HIVEP3: variants seen among roughly 807,000 people sequenced by gnomAD.
The protein encoded by HIVEP3 is transcription factor HIVEP3.
In HIVEP3, 49 loss-of-function variants were observed where a neutral mutation model predicts 152.8. The observed-to-expected ratio is 0.32, with a 90% CI of 0.26 to 0.41. The LOEUF (loss-of-function observed/expected upper bound fraction) is 0.41. HIVEP3 is among the 10% of genes least tolerant of loss of function. The pLI is 1.00. For missense variants in HIVEP3, 2,790 were observed against 3,103.3 expected, an observed-to-expected ratio of 0.90 and a Z score of 2.40; for synonymous variants, 1,269 against 1,289.0, an observed-to-expected ratio of 0.98 and a Z score of 0.33.
chr1:41,774,113 C>A (rs1648542505), intron 1 of HIVEP3, among the ~76,000 whole-genome samples: 1 of 152,184 alleles, frequency 6.6e-6, no homozygotes, highest in African/African-American at 2.4e-5. Flanking sequence ...GGGTCTGAGG[C>A]AAAGCTGTTT....
chr1:41,884,054 C>T (rs1474234891), intron 1 of HIVEP3, among the ~76,000 whole-genome samples: 1 of 152,222 alleles, frequency 6.6e-6, no homozygotes, highest in African/African-American at 2.4e-5. Context: ...CAACCTCTGT[C>T]TCCTGGGTTC....
chr1:41,888,677 T>G (rs1028710709), intron 1 of HIVEP3, among the ~76,000 whole-genome samples: 6 of 150,206 alleles, frequency 4.0e-5, no homozygotes, highest in Admixed American at 1.3e-4. Flanking sequence ...ACATACCTCA[T>G]GTACCCCCCA....
In HIVEP3 at chr1:41,626,219, A is replaced by G. The variant is rs930550004; in HGVS notation, c.-522+2530T>C. 3.3e-5 allele frequency among the ~76,000 whole-genome samples: 5 copies of G among 152,070 alleles called. No homozygotes were observed. In the East Asian group the frequency reaches 7.7e-4, roughly 23 times the overall value. On this transcript the variant is annotated intron_variant, in intron 3 of 8. Transcript: ENST00000372583. ...CACCGGGGCGTTTGCAGCACTGCAC[A>G]CCTCTGTCTTGTTCGGATGCCATAT... is the stretch of plus-strand genomic sequence containing the variant.
At chr1:41,676,775 G>A (rs1324606731) in intron 2 of HIVEP3, among the ~76,000 whole-genome samples, 2 of 152,172 alleles carry the variant, frequency 1.3e-5, no homozygotes, top group Non-Finnish European at 2.9e-5. Flanking sequence ...GCAGGGAGGG[G>A]CAACCTGTTT....
chr1:41,677,337 A>G (rs1024879059), intron 2 of HIVEP3, among the ~76,000 whole-genome samples: 1 of 152,262 alleles, frequency 6.6e-6, no homozygotes, highest in African/African-American at 2.4e-5. Context: ...TAAGAGAGAA[A>G]TACAATAGTG....
intron 5 of HIVEP3, among the ~76,000 whole-genome samples, chr1:41,569,317 T>C (rs1644217874): frequency 6.6e-6 from 1 of 152,176 alleles, no homozygotes; most frequent in Non-Finnish European, 1.5e-5. Context: ...ACCTATGTTA[T>C]ACATTTCCCA....
intron 2 of HIVEP3, among the ~76,000 whole-genome samples, chr1:41,652,798 G>A (rs918937049): frequency 1.3e-5 from 2 of 152,126 alleles, no homozygotes; most frequent in Non-Finnish European, 2.9e-5. Flanking sequence ...CATGACAAAA[G>A]GGTTTTTGGT....
Position 41,510,956 on chromosome 1 carries a change from T to C in HIVEP3, c.6716A>G (p.Gln2239Arg). The stretch of plus-strand genomic sequence containing the variant: ...AGTGGGACTCCAGCGGCCTCGCTCC[T>C]GGGCCTCCCGGGCCCCTGTCAGGTC... ...GSDLTGAREA[Q>R]ERGRWSPTES... is the part of the protein sequence containing the mutation. Residue 2239 changes from glutamine to arginine, a missense_variant, in exon 9 of 9, where the codon CAG becomes CGG. By Grantham distance (43) the Gln-to-Arg change is conservative. This residue lies in a region of HIVEP3 where 816 missense variants were observed against 806.5 expected (regional missense o/e 1.01). Coordinates refer to ENST00000372583, the MANE Select transcript of HIVEP3 (RefSeq NM_024503.5). The C allele has an allele frequency of 1.2e-6, 2 of 1,613,580 alleles. No individual in the cohort carries two copies. The highest frequency in any genetic ancestry group is 1.7e-6 in the Non-Finnish European group (2 of 1,179,874).
chr1:41,565,297 A>G (rs1024302353), intron 5 of HIVEP3, among the ~76,000 whole-genome samples: 1 of 151,724 alleles, frequency 6.6e-6, no homozygotes, highest in East Asian at 1.9e-4. Context: ...TGAGAAGCCA[A>G]GTCATGGGCA....
intron 1 of HIVEP3, among the ~76,000 whole-genome samples, chr1:41,796,032 G>C (rs552016752): frequency 2.0e-5 from 3 of 152,214 alleles, no homozygotes; most frequent in African/African-American, 7.2e-5. Context: ...TTGGTTCTAG[G>C]CTCTTTCAGC....
intron 3 of HIVEP3, among the ~76,000 whole-genome samples, chr1:41,586,926 A>C (rs939434147): frequency 1.3e-5 from 2 of 152,138 alleles, no homozygotes; most frequent in Non-Finnish European, 2.9e-5. Context: ...AGAACAAAGA[A>C]AATGGAAATA....
intron 1 of HIVEP3, among the ~76,000 whole-genome samples, chr1:41,786,179 C>A (rs1277756144): frequency 1.3e-5 from 2 of 152,196 alleles, no homozygotes; most frequent in Non-Finnish European, 2.9e-5. Flanking sequence ...CACATTGCCT[C>A]AATGTTCTCA....
intron 3 of HIVEP3, among the ~76,000 whole-genome samples, chr1:41,625,149 C>A (rs1009979613): frequency 2.9e-5 from 3 of 103,768 alleles, no homozygotes; most frequent in African/African-American, 1.2e-4. Context: ...GCTGACAGAG[C>A]GAGATTCCAA....
intron 1 of HIVEP3, among the ~76,000 whole-genome samples, chr1:41,841,583 T>C (rs1643290634): frequency 6.6e-6 from 1 of 152,204 alleles, no homozygotes; most frequent in Non-Finnish European, 1.5e-5. Flanking sequence ...GGGAACGGCC[T>C]GTGTGCTGTT....
intron 1 of HIVEP3, among the ~76,000 whole-genome samples, chr1:41,784,973 C>T (rs1482250205): frequency 6.6e-6 from 1 of 152,156 alleles, no homozygotes; most frequent in Non-Finnish European, 1.5e-5. Context: ...TCCAGTTCCC[C>T]AAAGTTTTGA....
At chr1:41,526,346 CCACACTCACCCT>C (rs1234657059) in intron 5 of HIVEP3, among the ~76,000 whole-genome samples, 9 of 144,292 alleles carry the variant, frequency 6.2e-5, no homozygotes, top group Non-Finnish European at 1.1e-4. Context: ...TGCTCACACC[CCACACTCACCCT>C]CACACTCACC....
intron 1 of HIVEP3, among the ~76,000 whole-genome samples, chr1:41,940,181 C>T (rs547604514): frequency 6.6e-6 from 1 of 152,308 alleles, no homozygotes; most frequent in South Asian, 2.1e-4. Context: ...CATTCTCTGC[C>T]TCATATTTCT....
intron 5 of HIVEP3, among the ~76,000 whole-genome samples, chr1:41,564,926 A>T (rs1644137353): frequency 6.6e-6 from 1 of 152,158 alleles, no homozygotes; most frequent in East Asian, 1.9e-4. Context: ...ACCACCATGG[A>T]GAGGGGAGCC....
intron 1 of HIVEP3, among the ~76,000 whole-genome samples, chr1:41,864,963 T>C (rs894227463): frequency 6.6e-6 from 1 of 152,178 alleles, no homozygotes; most frequent in African/African-American, 2.4e-5. Context: ...CTTGCAGAGA[T>C]TAATGAGAGC....
Sources: allele counts gnomAD v4.1 joint callset (sites outside exome capture counted in the v4.1 genomes callset), GRCh38; gene constraint gnomAD v4.1.1; regional missense constraint gnomAD v4.1.1; transcripts MANE v1.5; gene names NCBI Gene and HGNC (gene_info 2026-07-23, HGNC 2026-07-21).